The following SHPRH variants were observed in gnomAD, a reference collection of about 807,000 sequenced individuals.
SHPRH encodes the protein SNF2 histone linker PHD RING helicase.
SHPRH carries 106 observed loss-of-function variants against 202.5 expected under a neutral mutation model. The observed-to-expected ratio is 0.52, with a 90% CI of 0.45 to 0.62. SHPRH has a LOEUF of 0.62. SHPRH is among the 20% of genes least tolerant of loss of function. The pLI, the probability that SHPRH is intolerant of heterozygous loss-of-function variation, is 0.00. For synonymous variants in SHPRH, 729 were observed against 686.0 expected (o/e 1.06, Z -0.98); for missense variants, 1,710 against 2,020.0 (o/e 0.85, Z 2.94).
intron 27 of SHPRH, 40 bp downstream of exon 27, chr6:145,894,110 C>G: frequency 6.7e-7 from 1 of 1,492,880 alleles, no homozygotes; most frequent in Non-Finnish European, 9.1e-7. Flanking sequence ...AAATTTGCAA[C>G]TGTATCCACT....
chr6:145,868,845 CTA>C (rs1375395234), intron 2 of SHPRH, among the ~76,000 whole-genome samples: 1 of 152,072 alleles, frequency 6.6e-6, no homozygotes, highest in Non-Finnish European at 1.5e-5. Context: ...CTACAATGAA[CTA>C]TTTGTTATTT....
Position 145,945,725 on chromosome 6 carries a change from T to A in SHPRH, c.1322-88A>T, listed in dbSNP as rs1311380805. On this transcript the variant is annotated intron_variant, in intron 7 of 29. Coordinates refer to ENST00000275233, the MANE Select transcript of SHPRH (RefSeq NM_001042683.3). ...GGTTAATCTTAATCTGCATGAGGACTGAGTTAAGAAAGAAATAAATCAAAG... is the reference window on the plus strand; with the variant it reads ...GGTTAATCTTAATCTGCATGAGGACAGAGTTAAGAAAGAAATAAATCAAAG... 2.2e-6 allele frequency: 3 copies of A among 1,336,702 alleles called. No individual in the cohort carries two copies. In the Admixed American group the frequency reaches 8.8e-5, roughly 39 times the overall value. 82.8% of individuals were successfully genotyped at this position (1,336,702 alleles called of 1,614,324 possible).
At chr6:145,941,567 T>G in intron 10 of SHPRH, 56 bp downstream of exon 10, 2 of 1,598,692 alleles carry the variant, frequency 1.3e-6, no homozygotes, top group Non-Finnish European at 1.7e-6. Flanking sequence ...CAAGGTCCCC[T>G]AATTCCTTTT....
rs1040456687 is a variant in SHPRH at position 145,886,590 on chromosome 6, G to A, written c.*101C>T. On this transcript the variant is annotated 3_prime_UTR_variant, in exon 30 of 30. Transcript: ENST00000275233. ...AAACAAATTCATTCAACTAGGAACA[G>A]TGTTACTGTTATCTACTGGGTTTTT... 4.1e-5 allele frequency: 63 copies of A among 1,541,062 alleles called. No individual in the cohort carries two copies. In the African/African-American group the frequency reaches 8.4e-4, roughly 20 times the overall value.
rs78874530 is a variant in SHPRH, at chr6:145,896,172, A to G, written c.4516-1195T>C. Among the ~76,000 whole-genome samples, 338 of 152,198 alleles carry G rather than the reference A, an allele frequency of 2.2e-3. 3 individuals are homozygous for G. Among genetic ancestry groups the G allele is most frequent in the African/African-American group, 7.6e-3 (318 of 41,574 alleles). On this transcript the variant is annotated intron_variant, in intron 25 of 29. Coordinates refer to ENST00000275233, the MANE Select transcript of SHPRH (RefSeq NM_001042683.3). ...TAATGGAAAAAGTTTTAAAATCCTCATGCTAAAATCATGATTCTACACTTA... is the reference window on the plus strand; with the variant it reads ...TAATGGAAAAAGTTTTAAAATCCTCGTGCTAAAATCATGATTCTACACTTA...
At chr6:145,925,125 AAG>A (rs1582710332) in intron 16 of SHPRH, among the ~76,000 whole-genome samples, 2 of 151,736 alleles carry the variant, frequency 1.3e-5, no homozygotes, top group East Asian at 1.9e-4. Context: ...AGAATAAGCA[AAG>A]AGGGGAAAAA....
chr6:145,909,238 T>C (rs1035232235), intron 25 of SHPRH: 4 of 152,256 alleles, frequency 2.6e-5, no homozygotes, highest in Admixed American at 6.6e-5. Context: ...TTAACATCTG[T>C]GCTTCCTGCC....
chr6:145,923,716 G>A lies in SHPRH; in HGVS notation c.3472C>T (p.Leu1158=), dbSNP rs970025809. ...ATTTCATTTCGCACTCGCTGAACTA[G>A]CTCCTCATCAATAGTAAATTCTATT... ...RAIEFTIDEE[L]VQRVRNEITS... is the part of the protein sequence containing the mutation. The change falls in exon 18 of 30, where the codon CTA becomes TTA. Residue 1158 remains leucine, a synonymous_variant. Coordinates refer to ENST00000275233, the MANE Select transcript of SHPRH (RefSeq NM_001042683.3). 46 of 1,611,974 alleles carry A rather than the reference G, an allele frequency of 2.9e-5. No homozygotes were observed. Among genetic ancestry groups the A allele is most frequent in the Non-Finnish European group, 3.4e-5 (40 of 1,178,738 alleles).
chr6:145,925,341 TACACAC>T (rs10631165), intron 16 of SHPRH, among the ~76,000 whole-genome samples: 17 of 145,380 alleles, frequency 1.2e-4, no homozygotes, highest in Admixed American at 4.2e-4. Context: ...ATGTTCTCAC[TACACAC>T]ACACACACAC....
intron 23 of SHPRH, 39 bp downstream of exon 23, chr6:145,918,092 T>A: frequency 6.6e-7 from 1 of 1,504,784 alleles, no homozygotes; most frequent in Non-Finnish European, 9.1e-7. Context: ...TTTATGATAA[T>A]GCAGCATAGG....
chr6:145,939,800 T>G (rs1413082833), intron 11 of SHPRH, among the ~76,000 whole-genome samples: 1 of 152,102 alleles, frequency 6.6e-6, no homozygotes, highest in Non-Finnish European at 1.5e-5. Flanking sequence ...CTTTTCCTCC[T>G]AAAAATAATC....
intron 5 of SHPRH, 52 bp downstream of exon 5, chr6:145,948,220 T>G: frequency 7.3e-7 from 1 of 1,369,904 alleles, no homozygotes; most frequent in Non-Finnish European, 1.0e-6. Flanking sequence ...TCAGACAGTT[T>G]TTCATTATAT....
In SHPRH at chr6:145,894,953, C is replaced by T. The variant is rs1284332171; in HGVS notation, c.4540G>A (p.Ala1514Thr). The change falls in exon 26 of 30, where the codon GCT becomes ACT. Residue 1514 changes from alanine (A) to threonine (T), a missense_variant. Transcript: ENST00000275233. ...VKGSHSTKVE[A>T]VVRTLMKIQL... ...ATTTTCATCAGAGTTCTGACCACAGCTTCCACTTTTGTAGAATGGCTGCCC... is the reference window on the plus strand; with the variant it reads ...ATTTTCATCAGAGTTCTGACCACAGTTTCCACTTTTGTAGAATGGCTGCCC... The T allele has an allele frequency of 1.2e-6, 2 of 1,612,858 alleles. No individual in the cohort carries two copies. The highest frequency in any genetic ancestry group is 2.7e-5 in the African/African-American group (2 of 74,864).
intron 14 of SHPRH, among the ~76,000 whole-genome samples, chr6:145,931,149 C>T (rs563326998): frequency 7.2e-5 from 11 of 152,066 alleles, no homozygotes; most frequent in African/African-American, 2.4e-4. Context: ...TTATAGAGAA[C>T]ATATTGATGG....
intron 3 of SHPRH, chr6:145,951,662 C>T (rs1787990842): frequency 2.8e-6 from 1 of 351,694 alleles, no homozygotes; most frequent in Non-Finnish European, 5.8e-6. Flanking sequence ...AAACGATTTA[C>T]TATTACTGAT....
intron 2 of SHPRH, among the ~76,000 whole-genome samples, chr6:145,866,066 C>T (rs1227254672): frequency 3.9e-5 from 6 of 152,214 alleles, no homozygotes; most frequent in Non-Finnish European, 8.8e-5. Context: ...ACCTGGTAGT[C>T]ACACAAATTC....
chr6:145,863,780 A>G (rs1779657289), downstream of SHPRH, among the ~76,000 whole-genome samples: 1 of 152,144 alleles, frequency 6.6e-6, no homozygotes, highest in African/African-American at 2.4e-5. Flanking sequence ...CGAGAGGGTA[A>G]ATTTCACAAG....
intron 6 of SHPRH, among the ~76,000 whole-genome samples, 159 bp from the exon 7 acceptor site, chr6:145,946,500 T>G (rs1221380071): frequency 1.3e-5 from 2 of 152,054 alleles, no homozygotes; most frequent in Non-Finnish European, 2.9e-5. Context: ...ACAGTTTTAT[T>G]TCTGAGTTTA....
Position 145,888,013 on chromosome 6 carries a change from T to G in SHPRH, c.4955+7A>C, listed in dbSNP as rs1412702187. On this transcript the variant is annotated splice_region_variant and intron_variant, in intron 29 of 29. Transcript: ENST00000275233. The stretch of plus-strand genomic sequence containing the variant: ...CCCCCTTCTACTTGTGGTAAATTAT[T>G]ACCTACCTTCTCTCAGCAGTTTTCA... The G allele has an allele frequency of 6.2e-7, 1 of 1,604,292 alleles. No homozygotes were observed. The highest frequency in any genetic ancestry group is 1.1e-5 in the South Asian group (1 of 90,690).
Sources: gnomAD v4.1 joint callset for allele counts (sites outside exome capture counted in the v4.1 genomes callset) on GRCh38, gnomAD v4.1.1 for gene constraint, MANE v1.5 for transcripts, NCBI Gene and HGNC (gene_info 2026-07-23, HGNC 2026-07-21) for gene names.